The following HS3ST4 variants were observed in gnomAD, a reference collection of about 807,000 sequenced individuals.
HS3ST4 encodes the protein heparan sulfate-glucosamine 3-sulfotransferase 4, also known as heparan sulfate glucosamine 3-O-sulfotransferase 4.
Under a neutral mutation model 29.2 loss-of-function variants are expected in HS3ST4, and 17 were observed. The observed-to-expected ratio is 0.58, with a 90% CI of 0.40 to 0.87. The LOEUF (loss-of-function observed/expected upper bound fraction) is 0.87, where lower values mean the gene tolerates loss of function less well. Among genes scored for constraint, HS3ST4 ranks in the 40% least tolerant of loss-of-function variants. The pLI, the probability that HS3ST4 is intolerant of heterozygous loss-of-function variation, is 0.00. For missense variants in HS3ST4, 627 were observed against 634.5 expected (o/e 0.99, Z 0.13); for synonymous variants, 314 against 285.7 (o/e 1.10, Z -1.00).
chr16:25,785,780 A>G (rs1323842095), intron 1 of HS3ST4, among the ~76,000 whole-genome samples: 1 of 152,218 alleles, frequency 6.6e-6, no homozygotes, highest in Non-Finnish European at 1.5e-5. Flanking sequence ...CCATTTGTGT[A>G]AAGCACAGAG....
intron 1 of HS3ST4, among the ~76,000 whole-genome samples, chr16:25,918,369 T>C (rs1385114551): frequency 1.3e-5 from 2 of 152,188 alleles, no homozygotes; most frequent in African/African-American, 4.8e-5. Context: ...AATTCATGTG[T>C]GCTGGGCACT....
chr16:26,119,251 G>A (rs1292727806), intron 1 of HS3ST4, among the ~76,000 whole-genome samples: 3 of 152,186 alleles, frequency 2.0e-5, no homozygotes, highest in Non-Finnish European at 2.9e-5. Context: ...CTTGCTCAGT[G>A]TGGGTAATGG....
At chr16:25,965,052 A>G (rs991044941) in intron 1 of HS3ST4, among the ~76,000 whole-genome samples, 2 of 152,190 alleles carry the variant, frequency 1.3e-5, no homozygotes, top group African/African-American at 4.8e-5. Context: ...TCACATGTTC[A>G]CGCGAGACAT....
At chr16:25,719,857 A>G (rs927305659) in intron 1 of HS3ST4, among the ~76,000 whole-genome samples, 7 of 152,168 alleles carry the variant, frequency 4.6e-5, no homozygotes, top group African/African-American at 1.7e-4. Flanking sequence ...TGTTCACCAG[A>G]CACTGTTGTG....
intron 1 of HS3ST4, among the ~76,000 whole-genome samples, chr16:25,734,412 G>C (rs960298359): frequency 6.6e-6 from 1 of 152,170 alleles, no homozygotes; most frequent in Non-Finnish European, 1.5e-5. Flanking sequence ...GGCTCCCAGA[G>C]AGGCATTGCG....
At chr16:26,022,227 C>G (rs867303789) in intron 1 of HS3ST4, among the ~76,000 whole-genome samples, 6 of 152,068 alleles carry the variant, frequency 3.9e-5, no homozygotes, top group African/African-American at 1.5e-4. Context: ...CCTCGTCCTC[C>G]CAAAGTGTTA....
rs545517138 is a variant in HS3ST4, at chr16:25,730,410, T to G, written c.734+37259T>G. Among the ~76,000 whole-genome samples, 4 of 138,906 alleles carry G rather than the reference T, an allele frequency of 2.9e-5. No homozygotes were observed. The Admixed American group carries it at 3.0e-4, about 10-fold the overall frequency. 91.1% of individuals were successfully genotyped at this position (138,906 alleles called of 152,430 possible). A position where few individuals can be genotyped will look rare whatever the true frequency, so the allele number is the denominator to read the frequency against. On this transcript the variant is annotated intron_variant, in intron 1 of 1. Transcript: ENST00000331351. ...CCTCCCTCGTCCTTCTCTCCCTCTC[T>G]CCCTCTCTTCCTTATCTCCCTCTCT...
At chr16:25,732,700 A>T (rs1289870534) in intron 1 of HS3ST4, among the ~76,000 whole-genome samples, 2 of 152,238 alleles carry the variant, frequency 1.3e-5, no homozygotes, top group African/African-American at 4.8e-5. Flanking sequence ...ATAAAAAAGC[A>T]TTCCATAACT....
intron 1 of HS3ST4, among the ~76,000 whole-genome samples, chr16:26,115,270 C>T (rs958518979): frequency 8.6e-5 from 13 of 150,592 alleles, no homozygotes; most frequent in South Asian, 4.3e-4. Flanking sequence ...TATATATACA[C>T]ACACACACAC....
chr16:25,879,571 A>G (rs1289538561), intron 1 of HS3ST4, among the ~76,000 whole-genome samples: 1 of 152,076 alleles, frequency 6.6e-6, no homozygotes, highest in Admixed American at 6.6e-5. Context: ...ACCCACCCCC[A>G]TGATTCAGTC....
intron 1 of HS3ST4, among the ~76,000 whole-genome samples, chr16:25,722,324 A>T (rs1966502876): frequency 6.6e-6 from 1 of 152,246 alleles, no homozygotes; most frequent in African/African-American, 2.4e-5. Context: ...TGGAGACTCC[A>T]TGAGAAGGGT....
intron 1 of HS3ST4, among the ~76,000 whole-genome samples, chr16:26,086,767 C>T (rs1898794509): frequency 6.6e-6 from 1 of 152,168 alleles, no homozygotes; most frequent in Non-Finnish European, 1.5e-5. Context: ...AAATATCAAT[C>T]TCTTCCTTCA....
intron 1 of HS3ST4, among the ~76,000 whole-genome samples, chr16:25,955,364 C>T (rs542347806): frequency 6.6e-6 from 1 of 152,138 alleles, no homozygotes; most frequent in Non-Finnish European, 1.5e-5. Context: ...TGCTTTATAG[C>T]CTTCAGAATG....
intron 1 of HS3ST4, among the ~76,000 whole-genome samples, chr16:26,132,664 G>A (rs923193419): frequency 2.0e-5 from 3 of 152,164 alleles, no homozygotes; most frequent in African/African-American, 7.2e-5. Context: ...AATTTGAATG[G>A]GGCTCAGTGC....
intron 1 of HS3ST4, chr16:25,886,929 A>G (rs1374845464): frequency 1.3e-5 from 2 of 152,136 alleles, no homozygotes; most frequent in Non-Finnish European, 2.9e-5. Flanking sequence ...GAGGTAAATT[A>G]TTTTTGGGTG....
intron 1 of HS3ST4, among the ~76,000 whole-genome samples, chr16:25,798,502 C>T (rs1318700731): frequency 1.3e-5 from 2 of 152,196 alleles, no homozygotes; most frequent in African/African-American, 4.8e-5. Flanking sequence ...TACAATGACT[C>T]TTAAAGCTTC....
Position 25,745,648 on chromosome 16 carries a change from A to G in HS3ST4, c.734+52497A>G, listed in dbSNP as rs182593320. 3.0e-4 allele frequency among the ~76,000 whole-genome samples: 46 copies of G among 152,334 alleles called. No individual in the cohort carries two copies. In the East Asian group the frequency reaches 7.9e-3, roughly 26 times the overall value. On this transcript the variant is annotated intron_variant, in intron 1 of 1. Coordinates refer to ENST00000331351, the MANE Select transcript of HS3ST4 (RefSeq NM_006040.3). ...AGGGCATAAAACATTTGTATCACCCAGAAAAATTCCACTGTGTCCCTTTGA... is the reference window on the plus strand; with the variant it reads ...AGGGCATAAAACATTTGTATCACCCGGAAAAATTCCACTGTGTCCCTTTGA...
intron 1 of HS3ST4, among the ~76,000 whole-genome samples, chr16:25,966,247 G>C (rs1968841431): frequency 6.6e-6 from 1 of 152,100 alleles, no homozygotes; most frequent in Middle Eastern, 3.2e-3. Flanking sequence ...ATGCAGTTCT[G>C]ACTTCAGTGC....
chr16:25,905,266 C>T (rs13380588), intron 1 of HS3ST4, among the ~76,000 whole-genome samples: 17,726 of 152,086 alleles, frequency 0.12, 1,118 homozygotes, highest in African/African-American at 0.14. Flanking sequence ...CTGGATTCCT[C>T]TCCTAAAACT....
Sources: allele counts gnomAD v4.1 joint callset (sites outside exome capture counted in the v4.1 genomes callset), GRCh38; gene constraint gnomAD v4.1.1; transcripts MANE v1.5; gene names NCBI Gene and HGNC (gene_info 2026-07-23, HGNC 2026-07-21).